The following CCDC191 variants were observed in gnomAD, a reference collection of about 807,000 sequenced individuals.
The protein encoded by CCDC191 is coiled-coil domain-containing protein 191.
CCDC191 carries 99 observed loss-of-function variants against 114.0 expected under a neutral mutation model. The observed-to-expected ratio is 0.87, with a 90% CI of 0.74 to 1.03. The LOEUF (loss-of-function observed/expected upper bound fraction) is 1.03. Ranked by LOEUF, CCDC191 falls within the 50% of genes least tolerant of loss-of-function variation. The probability of loss-of-function intolerance (pLI) is 0.00; values close to 1 mark genes in which losing one functional copy is unlikely to be tolerated. For missense variants in CCDC191, 973 were observed against 1,087.0 expected, an observed-to-expected ratio of 0.90 and a Z score of 1.47; for synonymous variants, 351 against 376.0, an observed-to-expected ratio of 0.93 and a Z score of 0.77.
chr3:114,027,624 A>AAAAG (rs1559920016), intron 7 of CCDC191, among the ~76,000 whole-genome samples: 5 of 130,948 alleles, frequency 3.8e-5, no homozygotes, highest in Non-Finnish European at 6.7e-5. Context: ...AAAAAAAAAG[A>AAAAG]AAAAAAAATC....
At chr3:114,009,051 C>A (rs1298492950) in intron 9 of CCDC191, among the ~76,000 whole-genome samples, 1 of 152,030 alleles carries the variant, frequency 6.6e-6, no homozygotes, top group Non-Finnish European at 1.5e-5. Flanking sequence ...ATTTGCATAT[C>A]TAAACATAGA....
At chr3:114,020,984 A>C (rs1341646613) in intron 7 of CCDC191, among the ~76,000 whole-genome samples, 1 of 152,144 alleles carries the variant, frequency 6.6e-6, no homozygotes, top group Non-Finnish European at 1.5e-5. Flanking sequence ...GATTTACTTC[A>C]CCAAGCTAAA....
chr3:114,005,589 G>C lies in CCDC191; in HGVS notation c.1787C>G (p.Ala596Gly). 1.9e-6 allele frequency: 3 copies of C among 1,614,018 alleles called. No homozygotes were observed. The South Asian group carries it at 3.3e-5, about 18-fold the overall frequency. Reference sequence around the variant, plus strand: ...GCTCTGTGCTTCTGTGACTGCTAAGGCATGCTCTGCTGCCCACTGAGCCTC... The same window carrying C: ...GCTCTGTGCTTCTGTGACTGCTAAGCCATGCTCTGCTGCCCACTGAGCCTC... ...LAEAQWAAEHALAVTEAQSHL... is the reference protein window; with the variant it reads ...LAEAQWAAEHGLAVTEAQSHL... Residue 596 changes from alanine to glycine, a missense_variant, in exon 10 of 17, where the codon GCC (alanine) becomes GGC (glycine). By Grantham distance (60) the Ala-to-Gly change is moderately conservative (BLOSUM62 0). Coordinates refer to ENST00000295878, the MANE Select transcript of CCDC191 (RefSeq NM_020817.2).
In CCDC191 at chr3:114,056,458, C is replaced by A. The variant is rs373191955; in HGVS notation, c.9G>T (p.Leu3=). Residue 3 remains leucine, a synonymous_variant, in exon 1 of 17, where the codon CTG becomes CTT. Transcript: ENST00000295878. ...TTGAGAAGGACCTTCCCTGAGGCGC[C>A]AGGAGCATTTTCCAAGTTCGAGCCC... ML[L]APQGRSFSKK... 4 of 1,614,028 alleles carry A rather than the reference C, an allele frequency of 2.5e-6. No individual in the cohort carries two copies. The highest frequency in any genetic ancestry group is 3.4e-6 in the Non-Finnish European group (4 of 1,180,036).
At chr3:114,037,134 T>G in intron 4 of CCDC191, 1 of 154,796 alleles carries the variant, frequency 6.5e-6, no homozygotes. Context: ...AAAAAAGCTT[T>G]ATTGTGGTAT....
rs544561740 is a variant in CCDC191, at chr3:114,018,759, C to G, written c.1082G>C (p.Arg361Pro). The G allele has an allele frequency of 6.2e-7, 1 of 1,613,602 alleles. No homozygotes were observed. The highest frequency in any genetic ancestry group is 1.7e-5 in the Admixed American group (1 of 59,954). ...GAATCTTGTGTAGTCTCTCCAGGCC[C>G]GCAGGACCTTCAGCTGAATCTTCCA... ...SDWKIQLKVLRAWRDYTRFQK... is the reference protein window; with the variant it reads ...SDWKIQLKVLPAWRDYTRFQK... The change falls in exon 8 of 17, where the codon CGG (arginine) becomes CCG (proline). Residue 361 changes from arginine (R) to proline (P), a missense_variant. Arg to Pro is a moderately radical substitution (Grantham distance 103). Coordinates refer to ENST00000295878, the MANE Select transcript of CCDC191 (RefSeq NM_020817.2).
At position 114,034,922 on chromosome 3, in the gene CCDC191, T is replaced by G. The variant is rs1208773017; in HGVS notation, c.818+3A>C. On this transcript the variant is annotated splice_donor_region_variant and intron_variant, in intron 6 of 16. Coordinates refer to ENST00000295878, the MANE Select transcript of CCDC191 (RefSeq NM_020817.2). ...CCCCACAGTGCTTATCACACTGGCT[T>G]ACATTTTCCATGCTGCTTTCACAGT... The G allele has an allele frequency of 6.2e-7, 1 of 1,613,412 alleles. No homozygotes were observed. Among genetic ancestry groups the G allele is most frequent in the South Asian group, 1.1e-5 (1 of 91,018 alleles).
chr3:113,965,259 C>A lies in CCDC191; in HGVS notation c.2707G>T (p.Val903Leu). 6.2e-7 allele frequency: 1 copy of A among 1,611,512 alleles called. No homozygotes were observed. The highest frequency in any genetic ancestry group is 8.5e-7 in the Non-Finnish European group (1 of 1,178,708). Residue 903 changes from valine to leucine, a missense_variant, in exon 17 of 17, where the codon GTA (valine) becomes TTA (leucine). Transcript: ENST00000295878. Reference protein sequence around the residue: ...EERRQQLRRKVVEILPDFQVP... With the variant: ...EERRQQLRRKLVEILPDFQVP... ...TGGAAGTCTGGAAGAATTTCAACTA[C>A]CTTCCTACGAAGTTGCTGTCGCCTT...
chr3:114,016,954 T>TCACTAGGTC (rs2076168308), intron 8 of CCDC191, among the ~76,000 whole-genome samples: 1 of 152,166 alleles, frequency 6.6e-6, no homozygotes, highest in African/African-American at 2.4e-5. Flanking sequence ...CTTGTATCAA[T>TCACTAGGTC]CACTAGGTCC....
Position 114,005,713 on chromosome 3 carries a change from G to T in CCDC191, c.1663C>A (p.Arg555Ser). Residue 555 changes from arginine (R) to serine (S), a missense_variant, in exon 10 of 17, where the codon CGC (arginine) becomes AGC (serine). Transcript: ENST00000295878. ...EPLCLGHFHN[R>S]HVFQQQLIEK... ...ATCAGCTGTTGCTGGAAGACATGGCGGTTGTGGAAATGACCCAAGCAAAGC... is the reference window on the plus strand; with the variant it reads ...ATCAGCTGTTGCTGGAAGACATGGCTGTTGTGGAAATGACCCAAGCAAAGC... The T allele has an allele frequency of 6.2e-7, 1 of 1,614,126 alleles. No individual in the cohort carries two copies. Among genetic ancestry groups the T allele is most frequent in the South Asian group, 1.1e-5 (1 of 91,080 alleles).
At chr3:114,018,932 G>T in intron 7 of CCDC191, 64 bp from the exon 8 acceptor site, 3 of 1,393,256 alleles carry the variant, frequency 2.2e-6, no homozygotes, top group African/African-American at 1.4e-5. Context: ...ATCTAACACT[G>T]ACAGCCCTCT....
intron 16 of CCDC191, among the ~76,000 whole-genome samples, chr3:113,976,230 G>T (rs1941327583): frequency 6.6e-6 from 1 of 151,918 alleles, no homozygotes; most frequent in South Asian, 2.1e-4. Context: ...CTGCACTCCA[G>T]CCTGGGTGAC....
chr3:114,025,445 A>G (rs1233166219), intron 7 of CCDC191, among the ~76,000 whole-genome samples: 1 of 152,130 alleles, frequency 6.6e-6, no homozygotes, highest in Non-Finnish European at 1.5e-5. Flanking sequence ...GTTATCCATA[A>G]ATGTGTCAAT....
chr3:114,042,053 TAAG>T (rs764213432), intron 4 of CCDC191, among the ~76,000 whole-genome samples: 3 of 151,908 alleles, frequency 2.0e-5, no homozygotes, highest in East Asian at 1.9e-4. Context: ...AACAGATAAA[TAAG>T]AAGCATTTTA....
At chr3:113,965,942 C>T (rs938564072) in intron 16 of CCDC191, among the ~76,000 whole-genome samples, 2 of 151,996 alleles carry the variant, frequency 1.3e-5, no homozygotes, top group Non-Finnish European at 2.9e-5. Flanking sequence ...GAGGAGGTGA[C>T]ATTTGAGCAG....
rs182561461 is a variant in CCDC191 at position 114,022,064 on chromosome 3, T to C, written c.973-3196A>G. ...AGAACTGTTCCTAAGTACCTATCTA[T>C]AATAATTTCTAAAATAAAATACTAC... On this transcript the variant is annotated intron_variant, in intron 7 of 16. Coordinates refer to ENST00000295878, the MANE Select transcript of CCDC191 (RefSeq NM_020817.2). 1.5e-3 allele frequency among the ~76,000 whole-genome samples: 228 copies of C among 152,320 alleles called. 1 individual carries two copies. The highest frequency in any genetic ancestry group is 5.3e-3 in the African/African-American group (221 of 41,582).
chr3:114,000,161 G>A lies in CCDC191; in HGVS notation c.2163+1434C>T, dbSNP rs561222573. On this transcript the variant is annotated intron_variant, in intron 13 of 16. Transcript: ENST00000295878. ...GGATGTGTCTTTAAGGATGTCTCTC[G>A]ATAAGATTAGCATTTGAGTTGGTGG... Among the ~76,000 whole-genome samples the A allele has an allele frequency of 8.5e-5, 13 of 152,332 alleles. No individual in the cohort carries two copies. In the South Asian group the frequency reaches 2.5e-3, roughly 29 times the overall value.
intron 4 of CCDC191, among the ~76,000 whole-genome samples, chr3:114,037,905 G>T (rs537456322): frequency 2.6e-5 from 4 of 152,276 alleles, no homozygotes; most frequent in African/African-American, 9.6e-5. Flanking sequence ...TTTCATCCAT[G>T]GTTGGTTGAG....
intron 9 of CCDC191, among the ~76,000 whole-genome samples, chr3:114,006,472 T>C (rs2075961466): frequency 6.7e-6 from 1 of 149,388 alleles, no homozygotes; most frequent in Admixed American, 6.7e-5. Flanking sequence ...ACTGGGAGAG[T>C]GGCTACAGCT....
Sources: gnomAD v4.1 joint callset for allele counts (sites outside exome capture counted in the v4.1 genomes callset) on GRCh38, gnomAD v4.1.1 for gene constraint, MANE v1.5 for transcripts, NCBI Gene and HGNC (gene_info 2026-07-23, HGNC 2026-07-21) for gene names.